The following UPP2 variants were observed in gnomAD, a reference collection of about 807,000 sequenced individuals.
UPP2 encodes the protein uridine phosphorylase 2, also known as UPase 2.
UPP2 carries 23 observed loss-of-function variants against 26.7 expected under a neutral mutation model. The observed-to-expected ratio is 0.86, with a 90% CI of 0.62 to 1.22. The LOEUF is 1.22. UPP2 is among the 50% of genes most tolerant of loss of function. The pLI, the probability that UPP2 is intolerant of heterozygous loss-of-function variation, is 0.00. For synonymous variants in UPP2, 127 were observed against 141.3 expected, an observed-to-expected ratio of 0.90 and a Z score of 0.72; for missense variants, 387 against 396.7, an observed-to-expected ratio of 0.98 and a Z score of 0.21.
At chr2:158,065,713 C>T in intron 3 of UPP2, 3 of 653,316 alleles carry the variant, frequency 4.6e-6, no homozygotes, top group Non-Finnish European at 8.6e-6. Context: ...TATGACACTA[C>T]TCTTCTGGAG....
intron 3 of UPP2, among the ~76,000 whole-genome samples, chr2:158,046,454 C>T (rs902179180): frequency 3.9e-5 from 6 of 152,080 alleles, no homozygotes; most frequent in African/African-American, 1.4e-4. Flanking sequence ...TCTGCTTGCC[C>T]CAAGTTGTTT....
chr2:158,056,538 G>A (rs2105175240), intron 3 of UPP2, among the ~76,000 whole-genome samples: 1 of 152,290 alleles, frequency 6.6e-6, no homozygotes, highest in South Asian at 2.1e-4. Flanking sequence ...AAGGTGCCAG[G>A]AAGGCTATGC....
At chr2:158,127,046 T>G (rs1248065346) in intron 6 of UPP2, among the ~76,000 whole-genome samples, 1 of 152,254 alleles carries the variant, frequency 6.6e-6, no homozygotes. Flanking sequence ...GATGAATTAC[T>G]CACTGAGTTT....
intron 3 of UPP2, among the ~76,000 whole-genome samples, chr2:158,018,650 T>C (rs1189644389): frequency 6.6e-6 from 1 of 152,254 alleles, no homozygotes; most frequent in East Asian, 1.9e-4. Flanking sequence ...AGAGGACAGC[T>C]ACCTGTTACT....
At position 158,043,816 on chromosome 2, in the gene UPP2, C is replaced by T. The variant is rs117884316; in HGVS notation, c.147+27930C>T. Among the ~76,000 whole-genome samples, 69 of 152,318 alleles carry T rather than the reference C, an allele frequency of 4.5e-4. 2 individuals carry two copies. In the East Asian group the frequency reaches 0.012, roughly 26 times the overall value. On this transcript the variant is annotated intron_variant, in intron 3 of 9. Transcript: ENST00000605860. ...TCTGGGGGCGGTTTGCCAGCATTAA[C>T]GACAAGTTTAGTCTCTGGAATCTGA...
In UPP2 at chr2:158,001,424, A is replaced by T. The variant is rs725448; in HGVS notation, c.61+6165A>T. Among the ~76,000 whole-genome samples the T allele has an allele frequency of 4.6e-5, 7 of 151,978 alleles. No individual in the cohort carries two copies. The East Asian group carries it at 1.4e-3, about 30-fold the overall frequency. On this transcript the variant is annotated intron_variant, in intron 2 of 9. Coordinates refer to the UPP2 transcript ENST00000605860. ...TATTCAGCCAGCCTGTAGTGGCCCAAGGAGAGGGAGCTGGTGAATAAATAC... is the reference window on the plus strand; with the variant it reads ...TATTCAGCCAGCCTGTAGTGGCCCATGGAGAGGGAGCTGGTGAATAAATAC...
chr2:158,108,887 CGTGTGTGTGTGTGTGTGT>C (rs748328980), intron 2 of UPP2, among the ~76,000 whole-genome samples: 12 of 133,032 alleles, frequency 9.0e-5, no homozygotes, highest in South Asian at 2.7e-4. Context: ...GAGGCAAAAG[CGTGTGTGTGTGTGTGTGT>C]GTGTGTGTGT....
intron 3 of UPP2, among the ~76,000 whole-genome samples, chr2:158,115,848 G>A (rs774142754): frequency 6.6e-5 from 10 of 152,210 alleles, no homozygotes; most frequent in Admixed American, 2.0e-4. Context: ...TGATGAGGGC[G>A]TATGTGCATA....
chr2:158,009,020 C>T (rs1683536032), intron 2 of UPP2, among the ~76,000 whole-genome samples: 1 of 152,026 alleles, frequency 6.6e-6, no homozygotes, highest in African/African-American at 2.4e-5. Flanking sequence ...AAGGGTTATC[C>T]TTGAAATACA....
At chr2:158,108,227 A>G (rs1003600720) in intron 2 of UPP2, among the ~76,000 whole-genome samples, 1 of 152,184 alleles carries the variant, frequency 6.6e-6, no homozygotes, top group Non-Finnish European at 1.5e-5. Context: ...TGTGTGGCAC[A>G]TGCAAATGGT....
At chr2:157,997,611 T>G (rs1683341018) in intron 2 of UPP2, among the ~76,000 whole-genome samples, 1 of 152,218 alleles carries the variant, frequency 6.6e-6, no homozygotes, top group Non-Finnish European at 1.5e-5. Flanking sequence ...TGGTCTCTAA[T>G]TCAAAGCATG....
At chr2:158,049,320 C>T (rs1255008747) in intron 3 of UPP2, among the ~76,000 whole-genome samples, 1 of 152,174 alleles carries the variant, frequency 6.6e-6, no homozygotes, top group Non-Finnish European at 1.5e-5. Flanking sequence ...CTGTCAGTGG[C>T]ATGCTCAAAA....
intron 3 of UPP2, among the ~76,000 whole-genome samples, chr2:158,058,279 C>A (rs1010994175): frequency 5.8e-5 from 8 of 136,890 alleles, no homozygotes; most frequent in Non-Finnish European, 1.2e-4. Context: ...GGCGACAGAG[C>A]GAGACTCCGT....
chr2:158,134,957 T>A lies in UPP2; in HGVS notation c.*67T>A, dbSNP rs559287050. The A allele has an allele frequency of 1.7e-4, 247 of 1,493,838 alleles. 2 individuals carry two copies. The highest frequency in any genetic ancestry group is 7.5e-4 in the Middle Eastern group (4 of 5,306). 92.5% of individuals were successfully genotyped at this position (1,493,838 alleles called of 1,614,324 possible). On this transcript the variant is annotated 3_prime_UTR_variant, in exon 7 of 7. Coordinates refer to ENST00000005756, the MANE Select transcript of UPP2 (RefSeq NM_173355.4). ...AGCTCAAGTTGTAATGTGAAAGTCATATTTTATTTGTGGCATTTTTATATA... is the reference window on the plus strand; with the variant it reads ...AGCTCAAGTTGTAATGTGAAAGTCAAATTTTATTTGTGGCATTTTTATATA...
At chr2:158,072,268 G>A (rs907946028) in intron 3 of UPP2, among the ~76,000 whole-genome samples, 2 of 152,130 alleles carry the variant, frequency 1.3e-5, no homozygotes, top group African/African-American at 4.8e-5. Context: ...GGGAAGAACA[G>A]GAAAGACTTT....
intron 3 of UPP2, among the ~76,000 whole-genome samples, chr2:158,026,906 C>T (rs530784908): frequency 2.3e-4 from 35 of 152,196 alleles, no homozygotes; most frequent in South Asian, 1.5e-3. Flanking sequence ...GATGCAAAAG[C>T]GGAAACCCCT....
At chr2:158,033,378 T>G (rs756058996) in intron 3 of UPP2, among the ~76,000 whole-genome samples, 1 of 152,268 alleles carries the variant, frequency 6.6e-6, no homozygotes. Context: ...TGCATTTAGC[T>G]GGGCTCTTAG....
rs75326290 is a variant in UPP2 at position 157,997,342 on chromosome 2, A to G, written c.61+2083A>G. 2.3e-4 allele frequency among the ~76,000 whole-genome samples: 35 copies of G among 152,292 alleles called. No homozygotes were observed. In the East Asian group the frequency reaches 6.8e-3, roughly 29 times the overall value. ...TTATAAGTTTACCATTTTATAATAT[A>G]CCATTGAACATCTGTAAAGGTCTTC... On this transcript the variant is annotated intron_variant, in intron 2 of 9. Coordinates refer to the UPP2 transcript ENST00000605860.
At chr2:158,037,244 G>A (rs1043233019) in intron 3 of UPP2, among the ~76,000 whole-genome samples, 11 of 151,936 alleles carry the variant, frequency 7.2e-5, no homozygotes, top group South Asian at 4.2e-4. Flanking sequence ...GTGTGGTGGC[G>A]GGCATCTGTA....
Sources: allele counts gnomAD v4.1 joint callset (sites outside exome capture counted in the v4.1 genomes callset), GRCh38; gene constraint gnomAD v4.1.1; transcripts MANE v1.5; gene names NCBI Gene and HGNC (gene_info 2026-07-23, HGNC 2026-07-21).